MACROD2: variants seen among roughly 807,000 people sequenced by gnomAD.
MACROD2 encodes mono-ADP ribosylhydrolase 2.
In MACROD2, 36 loss-of-function variants were observed where a neutral mutation model predicts 70.4. That is an observed-to-expected ratio of 0.51 (90% CI 0.39 to 0.68). MACROD2 has a LOEUF of 0.68. Among genes scored for constraint, MACROD2 ranks in the 30% least tolerant of loss-of-function variants. The pLI, the probability that MACROD2 is intolerant of heterozygous loss-of-function variation, is 0.00. For missense variants in MACROD2, 496 were observed against 538.4 expected, an observed-to-expected ratio of 0.92 and a Z score of 0.78; for synonymous variants, 172 against 178.8, an observed-to-expected ratio of 0.96 and a Z score of 0.30.
At chr20:15,439,054 A>G (rs1333116208) in intron 7 of MACROD2, among the ~76,000 whole-genome samples, 1 of 152,192 alleles carries the variant, frequency 6.6e-6, no homozygotes, top group Non-Finnish European at 1.5e-5. Context: ...GAAACTCAAG[A>G]ACTTATTCAG....
At chr20:15,385,112 T>C (rs2045695533) in intron 6 of MACROD2, among the ~76,000 whole-genome samples, 1 of 152,164 alleles carries the variant, frequency 6.6e-6, no homozygotes, top group Non-Finnish European at 1.5e-5. Context: ...TCTTTCCAAA[T>C]GCACACAGTG....
intron 9 of MACROD2, among the ~76,000 whole-genome samples, chr20:15,873,635 CA>C (rs754028392): frequency 1.8e-4 from 27 of 149,194 alleles, no homozygotes; most frequent in Admixed American, 7.3e-4. Flanking sequence ...CTTTTATAAC[CA>C]AAACAGTGAG....
At chr20:14,944,509 C>G (rs1261012790) in intron 5 of MACROD2, among the ~76,000 whole-genome samples, 1 of 152,170 alleles carries the variant, frequency 6.6e-6, no homozygotes, top group African/African-American at 2.4e-5. Flanking sequence ...CTAGGCTTGT[C>G]TGCTGTCAAT....
At chr20:15,375,210 G>T (rs2045546171) in intron 6 of MACROD2, among the ~76,000 whole-genome samples, 2 of 152,210 alleles carry the variant, frequency 1.3e-5, no homozygotes, top group Admixed American at 6.5e-5. Flanking sequence ...AAAGTAATTG[G>T]TCTACTCAGT....
intron 8 of MACROD2, among the ~76,000 whole-genome samples, chr20:15,707,006 G>A (rs2050542368): frequency 6.6e-6 from 1 of 152,056 alleles, no homozygotes. Context: ...CTTTGTAGCT[G>A]GATTTACAAA....
At chr20:14,861,817 G>A (rs1181104713) in intron 5 of MACROD2, among the ~76,000 whole-genome samples, 2 of 148,022 alleles carry the variant, frequency 1.4e-5, no homozygotes, top group Non-Finnish European at 3.0e-5. Context: ...TCTTGACAAC[G>A]TTCCTTCTTA....
intron 3 of MACROD2, among the ~76,000 whole-genome samples, chr20:14,152,642 G>A (rs978463458): frequency 5.3e-5 from 8 of 152,002 alleles, no homozygotes; most frequent in African/African-American, 1.7e-4. Context: ...GGCCAGGCGG[G>A]TTTCGAACTC....
intron 3 of MACROD2, among the ~76,000 whole-genome samples, chr20:14,420,983 ATGCC>A (rs2083870962): frequency 6.6e-6 from 1 of 152,210 alleles, no homozygotes; most frequent in Non-Finnish European, 1.5e-5. Context: ...ATGAGCTACT[ATGCC>A]CAGCCTTGAA....
intron 5 of MACROD2, among the ~76,000 whole-genome samples, chr20:15,071,249 G>A (rs2075617088): frequency 6.6e-6 from 1 of 152,212 alleles, no homozygotes; most frequent in Admixed American, 6.5e-5. Flanking sequence ...GTTAAAGCAA[G>A]TTGGAATTCA....
At chr20:14,643,941 G>A (rs1446257294) in intron 4 of MACROD2, among the ~76,000 whole-genome samples, 1 of 152,120 alleles carries the variant, frequency 6.6e-6, no homozygotes, top group Non-Finnish European at 1.5e-5. Flanking sequence ...TCCTTAAGCT[G>A]TAGTTAGTCA....
intron 5 of MACROD2, among the ~76,000 whole-genome samples, chr20:15,115,033 G>T (rs919216537): frequency 6.6e-6 from 1 of 152,052 alleles, no homozygotes; most frequent in Admixed American, 6.6e-5. Flanking sequence ...ACCTATCTTT[G>T]CCAATTCCTA....
chr20:14,148,087 A>G (rs2054965941), intron 3 of MACROD2, among the ~76,000 whole-genome samples: 1 of 152,228 alleles, frequency 6.6e-6, no homozygotes, highest in Non-Finnish European at 1.5e-5. Context: ...CTTGGATATT[A>G]GAATTAAGGT....
chr20:14,232,171 T>A (rs2081820617), intron 3 of MACROD2, among the ~76,000 whole-genome samples: 1 of 151,300 alleles, frequency 6.6e-6, no homozygotes, highest in African/African-American at 2.4e-5. Context: ...CAATTTTGGC[T>A]TTTGTTGCCA....
At chr20:15,794,679 G>A (rs1246329974) in intron 8 of MACROD2, among the ~76,000 whole-genome samples, 4 of 152,158 alleles carry the variant, frequency 2.6e-5, no homozygotes, top group Admixed American at 6.5e-5. Flanking sequence ...TTAATACTCG[G>A]AATCACGGTC....
intron 15 of MACROD2, among the ~76,000 whole-genome samples, chr20:16,003,884 T>C (rs2066750018): frequency 6.6e-6 from 1 of 152,204 alleles, no homozygotes; most frequent in South Asian, 2.1e-4. Context: ...TTGGCCAGGC[T>C]GGTCTCAAAC....
intron 3 of MACROD2, among the ~76,000 whole-genome samples, chr20:14,481,239 G>T (rs1396585994): frequency 6.6e-6 from 1 of 152,026 alleles, no homozygotes. Flanking sequence ...AAGTCTTTCA[G>T]CATTGATAAT....
chr20:15,601,186 G>T lies in MACROD2; in HGVS notation c.645+101339G>T, dbSNP rs970365526. Among the ~76,000 whole-genome samples, 11 of 152,142 alleles carry T rather than the reference G, an allele frequency of 7.2e-5. No individual in the cohort carries two copies. The South Asian group carries it at 1.7e-3, about 23-fold the overall frequency. On this transcript the variant is annotated intron_variant, in intron 8 of 17. Coordinates refer to ENST00000684519, the MANE Select transcript of MACROD2 (RefSeq NM_001351661.2). Reference sequence around the variant, plus strand: ...TACTGACTCCCTCAGCCTCACTGGGGTTCCAGTTGTCAGCCCCCCTTATTG... The same window carrying T: ...TACTGACTCCCTCAGCCTCACTGGGTTTCCAGTTGTCAGCCCCCCTTATTG...
intron 5 of MACROD2, among the ~76,000 whole-genome samples, chr20:14,768,410 A>G (rs769666137): frequency 9.9e-5 from 15 of 152,154 alleles, no homozygotes; most frequent in Non-Finnish European, 1.6e-4. Flanking sequence ...GGGAATTGAT[A>G]TCAGTTTTAT....
chr20:15,503,400 A>T (rs1301329753), intron 8 of MACROD2, among the ~76,000 whole-genome samples: 1 of 152,216 alleles, frequency 6.6e-6, no homozygotes, highest in East Asian at 1.9e-4. Flanking sequence ...ACCGGGTGAT[A>T]TTGATCAGAT....
Sources: gnomAD v4.1 joint callset for allele counts (sites outside exome capture counted in the v4.1 genomes callset) on GRCh38, gnomAD v4.1.1 for gene constraint, MANE v1.5 for transcripts, NCBI Gene and HGNC (gene_info 2026-07-23, HGNC 2026-07-21) for gene names.